DNMT3A: variants seen among roughly 807,000 people sequenced by gnomAD.
The protein encoded by DNMT3A is DNA methyltransferase 3 alpha, also known as DNA (cytosine-5)-methyltransferase 3A.
Under a neutral mutation model 117.6 loss-of-function variants are expected in DNMT3A, and 267 were observed. That is an observed-to-expected ratio of 2.27 (90% CI 2.05 to 2.51). The LOEUF (loss-of-function observed/expected upper bound fraction) is 2.51. Ranked by LOEUF, DNMT3A falls within the 30% of genes most tolerant of loss-of-function variation. The pLI is 0.00. For synonymous variants in DNMT3A, 432 were observed against 474.8 expected (o/e 0.91, Z 1.17); for missense variants, 1,029 against 1,260.2 (o/e 0.82, Z 2.78).
Position 25,282,274 on chromosome 2 carries a change from T to A in DNMT3A, c.448+167A>T. On this transcript the variant is annotated intron_variant, in intron 4 of 22. Transcript: ENST00000321117. The surrounding 1 kb of genome is among the most constrained non-coding windows in gnomAD (Gnocchi z 5.2). ...CACTCTATGGGCCAAATAAAACATA[T>A]GCGCAGGCTGCATCCAGCCAGTAGC... 1 of 1,419,782 alleles carries A rather than the reference T, an allele frequency of 7.0e-7. No homozygotes were observed. The allele number at this position is 1,419,782 out of a possible 1,614,324, so 87.9% of individuals were successfully genotyped here. A position where few individuals can be genotyped will look rare whatever the true frequency, so the allele number is the denominator to read the frequency against.
intron 2 of DNMT3A, among the ~76,000 whole-genome samples, chr2:25,307,148 A>G (rs763133911): frequency 6.6e-6 from 1 of 152,240 alleles, no homozygotes; most frequent in Non-Finnish European, 1.5e-5. Flanking sequence ...ACTCCTTTAC[A>G]TGCCCTTCCA....
chr2:25,333,476 T>A (rs576836059), intron 1 of DNMT3A, among the ~76,000 whole-genome samples: 31 of 152,050 alleles, frequency 2.0e-4, no homozygotes, highest in African/African-American at 7.5e-4. Context: ...ATTACAGGCG[T>A]GCACCATCAC....
chr2:25,245,539 A>G (rs1674654481), intron 12 of DNMT3A, among the ~76,000 whole-genome samples: 1 of 152,188 alleles, frequency 6.6e-6, no homozygotes, highest in Non-Finnish European at 1.5e-5. Flanking sequence ...ACCATCCACA[A>G]ACAGGGATGG....
In DNMT3A at chr2:25,339,030, C is replaced by A. The variant is rs947893893; in HGVS notation, c.-178+2796G>T. 1.8e-4 allele frequency among the ~76,000 whole-genome samples: 28 copies of A among 152,190 alleles called. No homozygotes were observed. The highest frequency in any genetic ancestry group is 6.5e-4 in the Admixed American group (10 of 15,298). ...CCTCTGCAGAGTCGGACGTGACCAA[C>A]CCGTCTCTTGCAGGGACCCTCCTCA... is the stretch of plus-strand genomic sequence containing the variant. On this transcript the variant is annotated intron_variant, in intron 1 of 22. Transcript: ENST00000321117. This position sits in a 1 kb window ranked among gnomAD's most constrained non-coding sequence, Gnocchi z 4.9.
At chr2:25,319,038 G>A (rs1168550532) in intron 1 of DNMT3A, among the ~76,000 whole-genome samples, 14 of 137,982 alleles carry the variant, frequency 1.0e-4, no homozygotes, top group Admixed American at 1.0e-3. Context: ...TTTTTGAGAC[G>A]GAGTCTTGCT....
In DNMT3A at chr2:25,247,563, C is replaced by T. The variant is rs576946237; in HGVS notation, c.1014+28G>A. The T allele has an allele frequency of 6.2e-7, 1 of 1,608,972 alleles. No homozygotes were observed. The highest frequency in any genetic ancestry group is 8.5e-7 in the Non-Finnish European group (1 of 1,176,528). On this transcript the variant is annotated intron_variant, in intron 8 of 22. Coordinates refer to ENST00000321117, the MANE Select transcript of DNMT3A (RefSeq NM_022552.5). This position sits in a 1 kb window ranked among gnomAD's most constrained non-coding sequence, Gnocchi z 5.6. The stretch of plus-strand genomic sequence containing the variant: ...TGGGATCAAGAACCTTCCCCCACCC[C>T]AGGCTACTGCCAAACCCCACAACTT...
rs529221467 is a variant in DNMT3A, at chr2:25,311,587, C to T, written c.72+2326G>A. 2.0e-3 allele frequency among the ~76,000 whole-genome samples: 297 copies of T among 152,304 alleles called. No homozygotes were observed. The highest frequency in any genetic ancestry group is 7.0e-3 in the African/African-American group (289 of 41,558). ...GGTGTGAGTGTGCACTCTATCAGCA[C>T]CGGGATCTAGGGCTGGGTGTGTGTT... On this transcript the variant is annotated intron_variant, in intron 2 of 22. Transcript: ENST00000321117. This position sits in a 1 kb window ranked among gnomAD's most constrained non-coding sequence, Gnocchi z 5.2.
intron 3 of DNMT3A, among the ~76,000 whole-genome samples, chr2:25,295,471 C>T (rs535921410): frequency 2.6e-5 from 4 of 152,400 alleles, no homozygotes; most frequent in African/African-American, 9.6e-5. Flanking sequence ...CCCCCTGCAG[C>T]CTTCGGCACT....
At chr2:25,299,067 GC>G (rs767205307) in intron 3 of DNMT3A, among the ~76,000 whole-genome samples, 1 of 152,128 alleles carries the variant, frequency 6.6e-6, no homozygotes, top group Non-Finnish European at 1.5e-5. Context: ...CAAATCCAGA[GC>G]CTCTGACTCC....
chr2:25,328,369 C>G (rs1054180881), intron 1 of DNMT3A, among the ~76,000 whole-genome samples: 4 of 152,000 alleles, frequency 2.6e-5, no homozygotes, highest in Non-Finnish European at 5.9e-5. Flanking sequence ...GCTGCTGTCC[C>G]GGAATGACAC....
intron 3 of DNMT3A, among the ~76,000 whole-genome samples, chr2:25,299,759 C>T (rs778764709): frequency 6.6e-6 from 1 of 152,154 alleles, no homozygotes; most frequent in Non-Finnish European, 1.5e-5. Flanking sequence ...GGCGAAATCT[C>T]GCCTCTACTA....
Position 25,236,832 on chromosome 2 carries a change from C to T in DNMT3A, c.2478+104G>A, listed in dbSNP as rs2149260687. 1 of 1,233,740 alleles carries T rather than the reference C, an allele frequency of 8.1e-7. No homozygotes were observed. The highest frequency in any genetic ancestry group is 1.5e-5 in the South Asian group (1 of 68,662). 76.4% of individuals were successfully genotyped at this position (1,233,740 alleles called of 1,614,324 possible). On this transcript the variant is annotated intron_variant, in intron 21 of 22. Transcript: ENST00000321117. This position sits in a 1 kb window ranked among gnomAD's most constrained non-coding sequence, Gnocchi z 4.5. ...CGTCTCCTAAATTGCATTCTCCACA[C>T]TAGCTGGAGAAGCAGGCGGGACAAG...
intron 4 of DNMT3A, among the ~76,000 whole-genome samples, chr2:25,276,215 C>T (rs2031395819): frequency 6.6e-6 from 1 of 152,176 alleles, no homozygotes; most frequent in African/African-American, 2.4e-5. Flanking sequence ...TTCTCCGTCC[C>T]TCCACTCCCT....
At chr2:25,265,229 C>CA (rs2030199522) in intron 6 of DNMT3A, among the ~76,000 whole-genome samples, 2 of 152,238 alleles carry the variant, frequency 1.3e-5, no homozygotes, top group South Asian at 4.1e-4. Flanking sequence ...GGCAAAGAGG[C>CA]ATGGGGAGCA....
chr2:25,245,231 TCCTGGGTGGGTGTGCTCCTA>T lies in DNMT3A; in HGVS notation c.1554+2_1554+21del. On this transcript the variant is annotated splice_donor_variant and splice_donor_5th_base_variant and intron_variant, in intron 13 of 22. Transcript: ENST00000321117. LOFTEE classifies it high-confidence loss of function. ...GAAGGGCCGGCCTCAACGGCACCTC[TCCTGGGTGGGTGTGCTCCTA>T]CCTTGCAGTTTTGGCACATTCCTCC... is the stretch of plus-strand genomic sequence containing the variant. The T allele has an allele frequency of 6.2e-7, 1 of 1,612,482 alleles. No homozygotes were observed. The highest frequency in any genetic ancestry group is 8.5e-7 in the Non-Finnish European group (1 of 1,179,054).
At chr2:25,276,368 A>T (rs973280611) in intron 4 of DNMT3A, among the ~76,000 whole-genome samples, 5 of 151,372 alleles carry the variant, frequency 3.3e-5, no homozygotes, top group African/African-American at 4.9e-5. Context: ...GGTTATGGTG[A>T]GCATTAAGTG....
chr2:25,278,001 T>TCACACACACACA lies in DNMT3A; in HGVS notation c.449-2470_449-2459dup, dbSNP rs71397475. Among the ~76,000 whole-genome samples the TCACACACACACA allele has an allele frequency of 6.0e-3, 543 of 90,492 alleles. 6 individuals carry two copies. Among genetic ancestry groups the TCACACACACACA allele is most frequent in the African/African-American group, 0.018 (476 of 26,812 alleles). The allele number at this position is 90,492 out of a possible 152,430, so 59.4% of individuals were successfully genotyped here. On this transcript the variant is annotated intron_variant, in intron 4 of 22. Coordinates refer to ENST00000321117, the MANE Select transcript of DNMT3A (RefSeq NM_022552.5). ...ACTCTGCGCATGCCCACTTGAGTGA[T>TCACACACACACA]CACACACACACACACACACACACAC...
rs1673526444 is a variant in DNMT3A at position 25,237,726 on chromosome 2, C to T, written c.2409-721G>A. Among the ~76,000 whole-genome samples, 1 of 151,690 alleles carries T rather than the reference C, an allele frequency of 6.6e-6. No individual in the cohort carries two copies. The highest frequency in any genetic ancestry group is 2.4e-5 in the African/African-American group (1 of 41,258). ...GCTGCAGTGAGCCAGGATGGCACCA[C>T]TGCACTCCAGCCTGGGCGACAGAGC... On this transcript the variant is annotated intron_variant, in intron 20 of 22. Coordinates refer to ENST00000321117, the MANE Select transcript of DNMT3A (RefSeq NM_022552.5). The surrounding 1 kb of genome is among the most constrained non-coding windows in gnomAD (Gnocchi z 5.4).
In DNMT3A at chr2:25,294,341, A is replaced by G. The variant is rs1435853017; in HGVS notation, c.177+5798T>C. On this transcript the variant is annotated intron_variant, in intron 3 of 22. Transcript: ENST00000321117. The surrounding 1 kb of genome is among the most constrained non-coding windows in gnomAD (Gnocchi z 4.7). ...GGGTGGAGCTGCAAGGTTCATAACC[A>G]TAGGCTCTACCTCACAAGCAGTGTG... is the stretch of plus-strand genomic sequence containing the variant. 6.6e-6 allele frequency among the ~76,000 whole-genome samples: 1 copy of G among 152,080 alleles called. No individual in the cohort carries two copies. The highest frequency in any genetic ancestry group is 1.5e-5 in the Non-Finnish European group (1 of 68,024).
Sources: gnomAD v4.1 joint callset for allele counts (sites outside exome capture counted in the v4.1 genomes callset) on GRCh38, gnomAD v4.1.1 for gene constraint, Gnocchi (gnomAD v3.1) non-coding constraint, MANE v1.5 for transcripts, NCBI Gene and HGNC (gene_info 2026-07-23, HGNC 2026-07-21) for gene names.